The following VAC14 variants were observed in gnomAD, a reference collection of about 807,000 sequenced individuals.
VAC14 encodes the protein VAC14 component of PIKFYVE complex, also known as protein VAC14 homolog.
Under a neutral mutation model 85.3 loss-of-function variants are expected in VAC14, and 47 were observed. The observed-to-expected ratio is 0.55, with a 90% CI of 0.44 to 0.70. The LOEUF is 0.70. VAC14 is among the 30% of genes least tolerant of loss of function. VAC14 has a pLI of 0.00. For synonymous variants in VAC14, 447 were observed against 430.5 expected, an observed-to-expected ratio of 1.04 and a Z score of -0.47; for missense variants, 861 against 1,004.3, an observed-to-expected ratio of 0.86 and a Z score of 1.93.
intron 12 of VAC14, among the ~76,000 whole-genome samples, chr16:70,748,589 G>A (rs2031110896): frequency 6.6e-6 from 1 of 152,230 alleles, no homozygotes; most frequent in Non-Finnish European, 1.5e-5. Flanking sequence ...GGGGAATGGG[G>A]CCAGAGGTGA....
At chr16:70,721,222 G>A (rs1193543156) in intron 14 of VAC14, among the ~76,000 whole-genome samples, 2 of 152,178 alleles carry the variant, frequency 1.3e-5, no homozygotes, top group Non-Finnish European at 2.9e-5. Context: ...CTGGGGCCTA[G>A]AAGGAAGCCA....
intron 9 of VAC14, among the ~76,000 whole-genome samples, chr16:70,778,240 C>G (rs779501965): frequency 4.6e-5 from 7 of 152,142 alleles, no homozygotes; most frequent in Non-Finnish European, 8.8e-5. Flanking sequence ...ACCCGGGCCT[C>G]CCGCGTGGCA....
At chr16:70,735,467 G>A (rs2054721063) in intron 13 of VAC14, among the ~76,000 whole-genome samples, 1 of 152,188 alleles carries the variant, frequency 6.6e-6, no homozygotes, top group African/African-American at 2.4e-5. Context: ...TGTATTTGAT[G>A]CCAGCGGGCA....
chr16:70,704,785 CA>C (rs1328783989), intron 14 of VAC14, among the ~76,000 whole-genome samples: 1 of 152,212 alleles, frequency 6.6e-6, no homozygotes, highest in East Asian at 1.9e-4. Flanking sequence ...TCTGTAGGAG[CA>C]GAGCCCCGTG....
chr16:70,775,860 T>C (rs2143200118), intron 9 of VAC14, among the ~76,000 whole-genome samples: 1 of 152,384 alleles, frequency 6.6e-6, no homozygotes, highest in East Asian at 1.9e-4. Context: ...TCCTGTGCTT[T>C]CATGCAGGGT....
intron 9 of VAC14, among the ~76,000 whole-genome samples, chr16:70,773,712 T>C (rs1302283960): frequency 6.6e-6 from 1 of 152,196 alleles, no homozygotes; most frequent in Non-Finnish European, 1.5e-5. Flanking sequence ...TTATACCCTT[T>C]AGCCAGCTGC....
In VAC14 at chr16:70,782,010, G is replaced by A; in HGVS notation, c.812-7C>T. The A allele has an allele frequency of 6.2e-7, 1 of 1,612,830 alleles. No homozygotes were observed. The highest frequency in any genetic ancestry group is 8.5e-7 in the Non-Finnish European group (1 of 1,179,232). On this transcript the variant is annotated splice_polypyrimidine_tract_variant and splice_region_variant and intron_variant, in intron 7 of 18. Transcript: ENST00000261776. The stretch of plus-strand genomic sequence containing the variant: ...GTCAGCTGGATGAGGTCATCTGGAA[G>A]GGGAATCAGGGGGTTCAGAGGGGCC...
chr16:70,738,651 TGA>T (rs1056918506), intron 13 of VAC14, among the ~76,000 whole-genome samples: 1 of 152,112 alleles, frequency 6.6e-6, no homozygotes, highest in African/African-American at 2.4e-5. Flanking sequence ...AGCACGGGTA[TGA>T]GAGGATGCCA....
At chr16:70,783,849 G>T (rs1354137690) in intron 5 of VAC14, among the ~76,000 whole-genome samples, 1 of 152,200 alleles carries the variant, frequency 6.6e-6, no homozygotes, top group African/African-American at 2.4e-5. Flanking sequence ...TAGCACTGCT[G>T]GCTTTAAAGG....
chr16:70,699,521 C>G (rs2053781003), intron 14 of VAC14: 1 of 152,190 alleles, frequency 6.6e-6, no homozygotes, highest in Non-Finnish European at 1.5e-5. Context: ...AAGAGTCGTT[C>G]AGGGCTAAGG....
At chr16:70,718,108 C>T (rs1218700026) in intron 14 of VAC14, among the ~76,000 whole-genome samples, 7 of 152,226 alleles carry the variant, frequency 4.6e-5, no homozygotes, top group East Asian at 1.9e-4. Context: ...CTGCCCACCC[C>T]GGGAGCTCCT....
chr16:70,781,024 G>T, intron 8 of VAC14, 85 bp from the exon 9 acceptor site: 2 of 1,569,374 alleles, frequency 1.3e-6, no homozygotes, highest in East Asian at 4.6e-5. Context: ...CCCAGTGTTG[G>T]AGGTGGGGCC....
chr16:70,793,089 G>A (rs2034406496), intron 1 of VAC14, among the ~76,000 whole-genome samples: 2 of 152,110 alleles, frequency 1.3e-5, no homozygotes, highest in South Asian at 4.1e-4. Flanking sequence ...AATTACAGAT[G>A]GCAATTCCCT....
intron 7 of VAC14, among the ~76,000 whole-genome samples, chr16:70,782,258 C>T (rs1236268864): frequency 6.6e-6 from 1 of 152,232 alleles, no homozygotes; most frequent in Non-Finnish European, 1.5e-5. Context: ...GACTCTGCTC[C>T]TCCTCTCATC....
intron 14 of VAC14, among the ~76,000 whole-genome samples, chr16:70,725,203 T>C (rs149878049): frequency 1.3e-5 from 2 of 152,268 alleles, no homozygotes; most frequent in East Asian, 1.9e-4. Context: ...GCACAAAGAC[T>C]CACAGAGTGA....
rs373429477 is a variant in VAC14, at chr16:70,784,092, C to T, written c.594+21G>A. The T allele has an allele frequency of 6.3e-5, 101 of 1,603,280 alleles. 1 individual carries two copies. Among genetic ancestry groups the T allele is most frequent in the Middle Eastern group, 5.0e-4 (3 of 6,038 alleles). ...TTTTCCAAACTGGAGGCTGGAGAAACGGTGTCCGGCCAGGCCTTACCCAGG... is the reference window on the plus strand; with the variant it reads ...TTTTCCAAACTGGAGGCTGGAGAAATGGTGTCCGGCCAGGCCTTACCCAGG... On this transcript the variant is annotated intron_variant, in intron 5 of 18. Coordinates refer to ENST00000261776, the MANE Select transcript of VAC14 (RefSeq NM_018052.5).
chr16:70,736,789 C>T (rs2054767317), intron 13 of VAC14, among the ~76,000 whole-genome samples: 1 of 152,174 alleles, frequency 6.6e-6, no homozygotes, highest in Admixed American at 6.5e-5. Flanking sequence ...TTCTGCCCTC[C>T]CCAAGACAGG....
rs758750448 is a variant in VAC14 at position 70,698,693 on chromosome 16, G to A, written c.1780C>T (p.Leu594=). ...TMVHALNTIL[L]TSTELFQLRN... is the part of the protein sequence containing the mutation. ...AGCTGGAAGAGCTCTGTGGAGGTCAGCAGGATGGTGTTGAGGGCGTGGACC... is the reference window on the plus strand; with the variant it reads ...AGCTGGAAGAGCTCTGTGGAGGTCAACAGGATGGTGTTGAGGGCGTGGACC... The change falls in exon 15 of 19, where the codon CTG becomes TTG. Residue 594 remains leucine, a synonymous_variant. Transcript: ENST00000261776. 14 of 1,614,074 alleles carry A rather than the reference G, an allele frequency of 8.7e-6. No homozygotes were observed. The highest frequency in any genetic ancestry group is 3.3e-5 in the Admixed American group (2 of 60,012).
chr16:70,703,792 G>A (rs1405573039), intron 14 of VAC14, among the ~76,000 whole-genome samples: 1 of 152,330 alleles, frequency 6.6e-6, no homozygotes, highest in Non-Finnish European at 1.5e-5. Context: ...TGAACTTCCC[G>A]GAGCCCAGCA....
Sources: allele counts gnomAD v4.1 joint callset (sites outside exome capture counted in the v4.1 genomes callset), GRCh38; gene constraint gnomAD v4.1.1; transcripts MANE v1.5; gene names NCBI Gene and HGNC (gene_info 2026-07-23, HGNC 2026-07-21).